DMD: variants seen among roughly 807,000 people sequenced by gnomAD.
The protein encoded by DMD is mutant dystrophin.
In DMD, 63 loss-of-function variants were observed where a neutral mutation model predicts 330.1. The ratio of observed to expected loss-of-function variants is 0.19; its 90% CI spans 0.16 to 0.24. The LOEUF (loss-of-function observed/expected upper bound fraction) is 0.24, where lower values mean the gene tolerates loss of function less well. Ranked by LOEUF, DMD falls within the 10% of genes least tolerant of loss-of-function variation. The pLI is 1.00. For synonymous variants in DMD, 1,223 were observed against 959.8 expected, an observed-to-expected ratio of 1.27 and a Z score of -5.07; for missense variants, 3,344 against 2,684.1, an observed-to-expected ratio of 1.25 and a Z score of -5.43.
chrX:33,300,819 G>A (rs898880172), intron 1 of DMD, among the ~76,000 whole-genome samples: 1 of 111,628 alleles, frequency 9.0e-6, no homozygotes, highest in Non-Finnish European at 1.9e-5. Context: ...GGAAGATTTT[G>A]GCAGTAATTG....
chrX:31,427,840 T>TC (rs1569541206), intron 60 of DMD, among the ~76,000 whole-genome samples: 1 of 111,663 alleles, frequency 9.0e-6, no homozygotes, highest in Admixed American at 9.5e-5. Context: ...GATTGGTGGC[T>TC]CCCCAGACAT....
At chrX:32,647,436 C>G (rs2059852637) in intron 9 of DMD, among the ~76,000 whole-genome samples, 1 of 111,478 alleles carries the variant, frequency 9.0e-6, no homozygotes, top group Non-Finnish European at 1.9e-5. Flanking sequence ...ATAATGCTTC[C>G]TATCTGAACC....
chrX:31,502,472 T>C (rs1037763877), intron 56 of DMD, among the ~76,000 whole-genome samples: 5 of 111,331 alleles, frequency 4.5e-5, no homozygotes, highest in African/African-American at 1.6e-4. Context: ...TTCTCCATTA[T>C]ACAAAGACAC....
chrX:32,583,668 C>T (rs2053908470), intron 13 of DMD: 1 of 111,123 alleles, frequency 9.0e-6, no homozygotes, highest in Admixed American at 9.6e-5. Context: ...AAGATGACAC[C>T]ACAGAATATT....
At chrX:32,777,518 G>A (rs753361624) in intron 7 of DMD, among the ~76,000 whole-genome samples, 4 of 110,204 alleles carry the variant, frequency 3.6e-5, no homozygotes, top group East Asian at 2.9e-4. Context: ...TTCAGTCATT[G>A]GGGAAAGTTA....
Position 32,984,732 on chromosome X carries a change from G to T in DMD, c.93+35407C>A, listed in dbSNP as rs1480920229. Among the ~76,000 whole-genome samples the T allele has an allele frequency of 5.4e-5, 6 of 111,556 alleles. No homozygotes were observed. The East Asian group carries it at 1.7e-3, about 31-fold the overall frequency. On this transcript the variant is annotated intron_variant, in intron 2 of 78. Transcript: ENST00000357033. Reference sequence around the variant, plus strand: ...CATGGAACATAATTGATTCCCATTAGAATTTGTAGGAGTAAGGAGGTAACA... The same window carrying T: ...CATGGAACATAATTGATTCCCATTATAATTTGTAGGAGTAAGGAGGTAACA...
At chrX:31,704,694 C>T (rs1435231246) in intron 52 of DMD, among the ~76,000 whole-genome samples, 1 of 111,493 alleles carries the variant, frequency 9.0e-6, no homozygotes, top group Non-Finnish European at 1.9e-5. Flanking sequence ...GTTGCCAGAA[C>T]TTGGTCTCAA....
intron 1 of DMD, among the ~76,000 whole-genome samples, chrX:33,084,367 T>G (rs1323364537): frequency 8.9e-6 from 1 of 112,573 alleles, no homozygotes; most frequent in Admixed American, 9.4e-5. Context: ...GAGTAATTCA[T>G]GCAGAGCTGG....
At chrX:32,813,650 C>A (rs1034740301) in intron 6 of DMD, among the ~76,000 whole-genome samples, 6 of 111,499 alleles carry the variant, frequency 5.4e-5, no homozygotes, top group Admixed American at 1.9e-4. Flanking sequence ...TTTACAGACT[C>A]AAGCCAAAAA....
intron 21 of DMD, among the ~76,000 whole-genome samples, chrX:32,476,086 G>C (rs936349673): frequency 1.8e-5 from 2 of 111,410 alleles, no homozygotes; most frequent in African/African-American, 6.5e-5. Flanking sequence ...TCTAGAAGGA[G>C]AGGGGACTAT....
chrX:31,983,906 C>A (rs2095493036), intron 44 of DMD, among the ~76,000 whole-genome samples: 1 of 111,329 alleles, frequency 9.0e-6, no homozygotes, highest in Admixed American at 9.6e-5. Flanking sequence ...AGTTGTCCTG[C>A]AGATAAAGGT....
chrX:31,578,244 T>C (rs776231171), intron 55 of DMD, among the ~76,000 whole-genome samples: 1 of 111,960 alleles, frequency 8.9e-6, no homozygotes, highest in Non-Finnish European at 1.9e-5. Flanking sequence ...CCTTGAAGTA[T>C]AGGCAAGACA....
chrX:32,544,208 G>A (rs762020073), intron 17 of DMD, among the ~76,000 whole-genome samples: 2 of 111,376 alleles, frequency 1.8e-5, no homozygotes, highest in Non-Finnish European at 3.8e-5. Flanking sequence ...ATCAAAGTAG[G>A]TCATAAGTCA....
At chrX:33,283,332 A>G (rs898675445) in intron 1 of DMD, among the ~76,000 whole-genome samples, 1 of 110,995 alleles carries the variant, frequency 9.0e-6, no homozygotes, top group Non-Finnish European at 1.9e-5. Context: ...TGAGGTCAGG[A>G]GTTTGAGACC....
At chrX:31,263,418 A>G (rs181461036) in intron 62 of DMD, among the ~76,000 whole-genome samples, 98 of 112,499 alleles carry the variant, frequency 8.7e-4, no homozygotes, top group African/African-American at 3.1e-3. Context: ...CTGCCTTTTT[A>G]AAGAATTTAT....
Position 32,411,738 on chromosome X carries a change from C to T in DMD, c.4233+14G>A, listed in dbSNP as rs777029422. ...AAAACAAAAGAATGGAAGCTGATTC[C>T]CAGATGTACTTGCCTGGGCTTCCTG... On this transcript the variant is annotated intron_variant, in intron 30 of 78. Transcript: ENST00000357033. 1 of 1,209,826 alleles carries T rather than the reference C, an allele frequency of 8.3e-7. No homozygotes were observed. The highest frequency in any genetic ancestry group is 1.8e-5 in the South Asian group (1 of 56,936).
At chrX:32,299,831 T>G (rs1389821646) in intron 42 of DMD, among the ~76,000 whole-genome samples, 1 of 111,263 alleles carries the variant, frequency 9.0e-6, no homozygotes, top group African/African-American at 3.3e-5. Flanking sequence ...GCTATTACAT[T>G]CAAGATTAGT....
chrX:31,523,677 A>G (rs758967620), intron 55 of DMD, among the ~76,000 whole-genome samples: 1 of 112,163 alleles, frequency 8.9e-6, no homozygotes, highest in Non-Finnish European at 1.9e-5. Flanking sequence ...CATGGAGAAA[A>G]GGGTGCATTC....
intron 63 of DMD, among the ~76,000 whole-genome samples, chrX:31,252,570 G>C (rs751356848): frequency 8.9e-6 from 1 of 111,835 alleles, no homozygotes; most frequent in Admixed American, 9.5e-5. Flanking sequence ...CACTCAAAGG[G>C]ATGACAGGAC....
Sources: gnomAD v4.1 joint callset for allele counts (sites outside exome capture counted in the v4.1 genomes callset) on GRCh38, gnomAD v4.1.1 for gene constraint, MANE v1.5 for transcripts, NCBI Gene and HGNC (gene_info 2026-07-23, HGNC 2026-07-21) for gene names.